The following SZT2 variants were observed in gnomAD, a reference collection of about 807,000 sequenced individuals.
The protein encoded by SZT2 is KICSTOR complex protein SZT2.
Under a neutral mutation model 404.2 loss-of-function variants are expected in SZT2, and 216 were observed. The observed-to-expected ratio is 0.53, with a 90% confidence interval of 0.48 to 0.60. SZT2 has a LOEUF of 0.60. Ranked by LOEUF, SZT2 falls within the 20% of genes least tolerant of loss-of-function variation. SZT2 has a pLI of 0.00. For synonymous variants in SZT2, 1,693 were observed against 1,749.9 expected, an observed-to-expected ratio of 0.97 and a Z score of 0.81; for missense variants, 3,857 against 4,459.2, an observed-to-expected ratio of 0.86 and a Z score of 3.85.
intron 4 of SZT2, among the ~76,000 whole-genome samples, chr1:43,413,874 A>T (rs942256893): frequency 1.5e-4 from 23 of 152,228 alleles, no homozygotes; most frequent in African/African-American, 5.3e-4. Flanking sequence ...AGAATGAATA[A>T]GATCTAGTAC....
chr1:43,421,541 G>C (rs1363674195), intron 11 of SZT2, among the ~76,000 whole-genome samples: 1 of 152,256 alleles, frequency 6.6e-6, no homozygotes, highest in Non-Finnish European at 1.5e-5. Flanking sequence ...GACTCACACA[G>C]TGTCTAGGTG....
In SZT2 at chr1:43,430,980, A is replaced by T; in HGVS notation, c.4806A>T (p.Pro1602=). The T allele has an allele frequency of 6.2e-7, 1 of 1,613,952 alleles. No homozygotes were observed. Among genetic ancestry groups the T allele is most frequent in the African/African-American group, 1.3e-5 (1 of 74,992 alleles). ...TGCTTTCCAGTCTGGAGGGCCCCCCAGTTGGAGGCCGAGTTCCCTTGAGGG... is the reference window on the plus strand; with the variant it reads ...TGCTTTCCAGTCTGGAGGGCCCCCCTGTTGGAGGCCGAGTTCCCTTGAGGG... The part of the protein sequence containing the change: ...GQVLSSLEGP[P]VGGRVPLRDL... The change falls in exon 33 of 72, where the codon CCA becomes CCT. Residue 1602 remains proline, a synonymous_variant. Transcript: ENST00000634258.
rs375216274 is a variant in SZT2 at position 43,432,377 on chromosome 1, C to T, written c.5380C>T (p.Pro1794Ser). The T allele has an allele frequency of 1.2e-5, 19 of 1,603,324 alleles. No homozygotes were observed. The African/African-American group carries it at 2.1e-4, about 18-fold the overall frequency. The change falls in exon 37 of 72, where the codon CCT (proline) becomes TCT (serine). Residue 1794 changes from proline to serine, a missense_variant. By Grantham distance (74) the Pro-to-Ser change is moderately conservative. Coordinates refer to ENST00000634258, the MANE Select transcript of SZT2 (RefSeq NM_001365999.1). ...ACAGCCAGGTGGGTCCCATGGGGAG[C>T]CTTCTTCAGCGGCCTGGGCTTGGCA... ...GQQPGGSHGE[P>S]SSAAWAWHSH...
chr1:43,397,535 AGATGG>A lies in SZT2; in HGVS notation c.28-5641_28-5637del, dbSNP rs1471172242. Among the ~76,000 whole-genome samples, 155 of 149,166 alleles carry A rather than the reference AGATGG, an allele frequency of 1.0e-3. No individual in the cohort carries two copies. In the East Asian group the frequency reaches 0.021, roughly 20 times the overall value. ...AAGTATACAAATTCTTTTTTTTTTG[AGATGG>A]AGAGATGGATGGAGTCTTGCTCTGT... On this transcript the variant is annotated intron_variant, in intron 1 of 71. Transcript: ENST00000634258.
At position 43,452,934 on chromosome 1, in the gene SZT2, C is replaced by T. The variant is rs1029458781; in HGVS notation, c.*2454C>T. ...AGCCTCAGGAACGCTGCCAAATACA[C>T]CAGGCCTCCTCTTGCCACAGCACCC... On this transcript the variant is annotated 3_prime_UTR_variant, in exon 72 of 72. Transcript: ENST00000634258. The T allele has an allele frequency of 6.2e-7, 1 of 1,608,274 alleles. No individual in the cohort carries two copies. Among genetic ancestry groups the T allele is most frequent in the Non-Finnish European group, 8.5e-7 (1 of 1,178,132 alleles).
intron 36 of SZT2, 45 bp downstream of exon 36, chr1:43,431,946 C>A (rs759767216): frequency 2.5e-6 from 4 of 1,602,938 alleles, no homozygotes; most frequent in Non-Finnish European, 3.4e-6. Context: ...GGGGCCCGTC[C>A]TTCCCTGGGC....
Position 43,441,571 on chromosome 1 carries a change from C to G in SZT2, c.7579C>G (p.Gln2527Glu). 2 of 1,614,120 alleles carry G rather than the reference C, an allele frequency of 1.2e-6. No homozygotes were observed. The highest frequency in any genetic ancestry group is 3.3e-5 in the Admixed American group (2 of 60,020). The change falls in exon 54 of 72, where the codon CAG (glutamine) becomes GAG (glutamate). Residue 2527 changes from glutamine to glutamate, a missense_variant. Transcript: ENST00000634258. This position sits in a 1 kb window ranked among gnomAD's most constrained non-coding sequence, Gnocchi z 4.8. ...TCATCCTGTGTTTGCCCGTGTTGCT[C>G]AGCGCTGGATGGAGTTTATGGTTCA... ...TLHPVFARVA[Q>E]RWMEFMVQIG...
Position 43,438,921 on chromosome 1 carries a change from C to T in SZT2, c.6628-8C>T. The T allele has an allele frequency of 6.2e-7, 1 of 1,614,182 alleles. No homozygotes were observed. The highest frequency in any genetic ancestry group is 8.5e-7 in the Non-Finnish European group (1 of 1,180,020). On this transcript the variant is annotated splice_region_variant and splice_polypyrimidine_tract_variant and intron_variant, in intron 47 of 71. Coordinates refer to ENST00000634258, the MANE Select transcript of SZT2 (RefSeq NM_001365999.1). ...ATTCAGCTCTGCCCTCTTCTTCCCA[C>T]TCTGCAGTTCATCCAGCCCCCTGGA...
At position 43,451,494 on chromosome 1, in the gene SZT2, CG is replaced by C. The variant is rs754538303; in HGVS notation, c.*1018del. The C allele has an allele frequency of 3.1e-6, 5 of 1,614,032 alleles. No homozygotes were observed. In the African/African-American group the frequency reaches 4.0e-5, roughly 13 times the overall value. ...AACAGATAGGGGAAATTCAGCTCTC[CG>C]GGGCTGCTGGGCTCCCCTCGGCCTG... is the stretch of plus-strand genomic sequence containing the variant. On this transcript the variant is annotated 3_prime_UTR_variant, in exon 72 of 72. Transcript: ENST00000634258.
rs1652925445 is a variant in SZT2 at position 43,424,661 on chromosome 1, G to A, written c.2472-123G>A. On this transcript the variant is annotated intron_variant, in intron 16 of 71. Transcript: ENST00000634258. This position sits in a 1 kb window ranked among gnomAD's most constrained non-coding sequence, Gnocchi z 4.1. ...CCTGAGGGACCGCCAGTCTAAGCAG[G>A]GCCAGCAGCAGACTTGGCTCCTTGA... 1.1e-6 allele frequency: 1 copy of A among 927,858 alleles called. No homozygotes were observed. The highest frequency in any genetic ancestry group is 1.7e-6 in the Non-Finnish European group (1 of 600,308). 57.5% of individuals were successfully genotyped at this position (927,858 alleles called of 1,614,324 possible).
chr1:43,440,418 C>A, intron 51 of SZT2, 35 bp from the exon 52 acceptor site: 1 of 1,534,118 alleles, frequency 6.5e-7, no homozygotes, highest in South Asian at 1.3e-5. Flanking sequence ...GATTGATGAT[C>A]AGTGATGGGT....
chr1:43,410,430 C>T (rs1650876407), intron 4 of SZT2: 1 of 151,818 alleles, frequency 6.6e-6, no homozygotes, highest in Admixed American at 6.6e-5. Flanking sequence ...TGGCAGGTGC[C>T]TGTAATCTCA....
chr1:43,453,953 C>G lies in SZT2; in HGVS notation c.*3473C>G. On this transcript the variant is annotated 3_prime_UTR_variant, in exon 72 of 72. Transcript: ENST00000634258. ...GAAGTGCTGTAAAAACCCGGGCCTT[C>G]ACGAAAAGCGCCTACGGTTAGCGAG... 8.3e-7 allele frequency: 1 copy of G among 1,198,946 alleles called. No individual in the cohort carries two copies. The highest frequency in any genetic ancestry group is 1.0e-6 in the Non-Finnish European group (1 of 967,088). The allele number at this position is 1,198,946 out of a possible 1,614,324, so 74.3% of individuals were successfully genotyped here.
chr1:43,430,870 A>T, intron 32 of SZT2, 79 bp from the exon 33 acceptor site: 1 of 1,581,888 alleles, frequency 6.3e-7, no homozygotes, highest in South Asian at 1.2e-5. Context: ...GCCTAGGGTT[A>T]TGTCTTTTAA....
intron 59 of SZT2, 41 bp downstream of exon 59, chr1:43,443,127 G>A (rs1219060911): frequency 6.2e-7 from 1 of 1,612,902 alleles, no homozygotes. Flanking sequence ...GGAAATCTGT[G>A]GAGTCTGGGA....
intron 40 of SZT2, 133 bp downstream of exon 40, chr1:43,433,323 CT>C: frequency 1.1e-6 from 1 of 906,798 alleles, no homozygotes; most frequent in Non-Finnish European, 1.7e-6. Flanking sequence ...AACTTGTATT[CT>C]TAGGTTGGTG....
intron 38 of SZT2, 55 bp downstream of exon 38, chr1:43,432,659 C>G: frequency 6.2e-7 from 1 of 1,612,848 alleles, no homozygotes; most frequent in Admixed American, 1.7e-5. Context: ...CCTGACCATG[C>G]TTCCATTTTT....
Position 43,430,308 on chromosome 1 carries a change from T to G in SZT2, c.4402-3T>G. The G allele has an allele frequency of 6.2e-7, 1 of 1,613,792 alleles. No individual in the cohort carries two copies. The highest frequency in any genetic ancestry group is 8.5e-7 in the Non-Finnish European group (1 of 1,179,906). ...CATCATCTTGCTTCATTCTTTTGCC[T>G]AGGATGAGGGGCCTCGGGACACAGT... On this transcript the variant is annotated splice_polypyrimidine_tract_variant and splice_region_variant and intron_variant, in intron 30 of 71. Coordinates refer to ENST00000634258, the MANE Select transcript of SZT2 (RefSeq NM_001365999.1).
chr1:43,415,106 G>A lies in SZT2; in HGVS notation c.523G>A (p.Asp175Asn). The change falls in exon 5 of 72, where the codon GAC (aspartate) becomes AAC (asparagine). Residue 175 changes from aspartate (D) to asparagine (N), a missense_variant. Asp to Asn is a conservative substitution (Grantham distance 23, BLOSUM62 1). Transcript: ENST00000634258. ...HQVLVQGCLL[D>N]PSQREVFLQQ... is the part of the protein sequence containing the mutation. ...GGTGCTGGTACAGGGCTGCCTCTTGGACCCTTCCCAGCGGGAGGTGTTCCT... is the reference window on the plus strand; with the variant it reads ...GGTGCTGGTACAGGGCTGCCTCTTGAACCCTTCCCAGCGGGAGGTGTTCCT... 1 of 1,598,102 alleles carries A rather than the reference G, an allele frequency of 6.3e-7. No individual in the cohort carries two copies. The highest frequency in any genetic ancestry group is 8.5e-7 in the Non-Finnish European group (1 of 1,179,586).
Sources: gnomAD v4.1 joint callset for allele counts (sites outside exome capture counted in the v4.1 genomes callset) on GRCh38, gnomAD v4.1.1 for gene constraint, Gnocchi (gnomAD v3.1) non-coding constraint, MANE v1.5 for transcripts, NCBI Gene and HGNC (gene_info 2026-07-23, HGNC 2026-07-21) for gene names.